PARD3B: variants seen among roughly 807,000 people sequenced by gnomAD.
PARD3B encodes partitioning defective 3 homolog B.
A neutral mutation model predicts 130.2 loss-of-function variants in PARD3B; 103 were observed. The observed-to-expected ratio is 0.79, with a 90% confidence interval of 0.67 to 0.93. The LOEUF (loss-of-function observed/expected upper bound fraction) is 0.93. Ranked by LOEUF, PARD3B falls within the 40% of genes least tolerant of loss-of-function variation. PARD3B has a pLI of 0.00. For synonymous variants in PARD3B, 583 were observed against 553.2 expected (o/e 1.05, Z -0.76); for missense variants, 1,609 against 1,499.2 (o/e 1.07, Z -1.21).
intron 2 of PARD3B, among the ~76,000 whole-genome samples, chr2:204,947,567 TCCCC>T (rs1689433380): frequency 1.3e-5 from 1 of 78,488 alleles, no homozygotes; most frequent in South Asian, 4.6e-4. Context: ...CTCCCCTCCC[TCCCC>T]TCCCTCTCTT....
chr2:204,584,957 G>T (rs73057284), intron 1 of PARD3B, among the ~76,000 whole-genome samples: 1 of 152,188 alleles, frequency 6.6e-6, no homozygotes, highest in African/African-American at 2.4e-5. Flanking sequence ...TGCATCATCC[G>T]TAGGGTTGGA....
intron 1 of PARD3B, among the ~76,000 whole-genome samples, chr2:204,620,275 T>C (rs893710747): frequency 1.3e-5 from 2 of 151,986 alleles, no homozygotes; most frequent in African/African-American, 4.8e-5. Context: ...AGTGCTGGAG[T>C]TACAGGCGTG....
chr2:204,893,133 C>T (rs567954333), intron 2 of PARD3B, among the ~76,000 whole-genome samples: 1 of 152,048 alleles, frequency 6.6e-6, no homozygotes, highest in African/African-American at 2.4e-5. Context: ...GGGAGGAGAA[C>T]CAGAGGAGGG....
chr2:204,862,780 C>T (rs1037407864), intron 2 of PARD3B, among the ~76,000 whole-genome samples: 4 of 152,126 alleles, frequency 2.6e-5, no homozygotes, highest in Non-Finnish European at 5.9e-5. Flanking sequence ...TCTTGTCACA[C>T]GACCAGGAAA....
Position 204,965,221 on chromosome 2 carries a change from C to G in PARD3B, c.292C>G (p.Arg98Gly). 2 of 1,613,912 alleles carry G rather than the reference C, an allele frequency of 1.2e-6. No individual in the cohort carries two copies. Among genetic ancestry groups the G allele is most frequent in the Non-Finnish European group, 1.7e-6 (2 of 1,179,896 alleles). ...IESPSGNPAD[R>G]QSPDAFETEV... ...GAGCCCCAGTGGAAACCCTGCAGATCGGCAGAGCCCAGATGCTTTTGAGAC... is the reference window on the plus strand; with the variant it reads ...GAGCCCCAGTGGAAACCCTGCAGATGGGCAGAGCCCAGATGCTTTTGAGAC... The change falls in exon 3 of 23, where the codon CGG becomes GGG. Residue 98 changes from arginine (R) to glycine (G), a missense_variant. By Grantham distance (125) the Arg-to-Gly change is moderately radical. Transcript: ENST00000406610.
At chr2:205,376,265 C>T (rs940028513) in intron 18 of PARD3B, among the ~76,000 whole-genome samples, 5 of 152,096 alleles carry the variant, frequency 3.3e-5, no homozygotes, top group Non-Finnish European at 7.3e-5. Context: ...CAGGCAGAGT[C>T]CACAAGCCAA....
intron 22 of PARD3B, among the ~76,000 whole-genome samples, chr2:205,614,004 GTTGT>G (rs1385741153): frequency 2.0e-5 from 3 of 152,146 alleles, no homozygotes; most frequent in Non-Finnish European, 4.4e-5. Context: ...AATTATTGTT[GTTGT>G]TTTTCTTTTT....
rs527648137 is a variant in PARD3B at position 205,395,715 on chromosome 2, G to T, written c.2631-5298G>T. ...CCACTGTCATCTTTCACCGATTCCT[G>T]CAGGGATCCCCAGTCAGTTAAATCA... On this transcript the variant is annotated intron_variant, in intron 18 of 22. Coordinates refer to ENST00000406610, the MANE Select transcript of PARD3B (RefSeq NM_001302769.2). Among the ~76,000 whole-genome samples the T allele has an allele frequency of 2.6e-5, 4 of 152,246 alleles. No homozygotes were observed. The South Asian group carries it at 6.2e-4, about 24-fold the overall frequency.
rs1484527874 is a variant in PARD3B at position 204,565,543 on chromosome 2, T to G, written c.120+19424T>G. 7.5e-4 allele frequency among the ~76,000 whole-genome samples: 114 copies of G among 152,206 alleles called. 2 individuals carry two copies. Among genetic ancestry groups the G allele is most frequent in the Non-Finnish European group, 8.8e-5 (6 of 68,044 alleles). The stretch of plus-strand genomic sequence containing the variant: ...ATATAATATCAAAAACTACGCATAT[T>G]AACATTACTATCAATTTCATCAGAA... On this transcript the variant is annotated intron_variant, in intron 1 of 22. Transcript: ENST00000406610.
intron 4 of PARD3B, among the ~76,000 whole-genome samples, chr2:205,094,571 CT>C (rs1272599859): frequency 2.0e-5 from 3 of 151,822 alleles, no homozygotes; most frequent in Non-Finnish European, 4.4e-5. Context: ...GTGTGCTTTT[CT>C]TTTCTTTCTT....
At chr2:205,482,733 C>T (rs7559015) in intron 20 of PARD3B, 20,178 of 151,948 alleles carry the variant, frequency 0.13, 1,482 homozygotes, top group African/African-American at 0.14. Flanking sequence ...TAGAAACTCT[C>T]CCAGGGTAGG....
chr2:204,982,850 A>G (rs1247550811), intron 3 of PARD3B, among the ~76,000 whole-genome samples: 1 of 152,216 alleles, frequency 6.6e-6, no homozygotes, highest in Non-Finnish European at 1.5e-5. Flanking sequence ...TATTTTATGA[A>G]TTTGTAGTAT....
chr2:204,589,135 A>G (rs1276954510), intron 1 of PARD3B, among the ~76,000 whole-genome samples: 2 of 152,228 alleles, frequency 1.3e-5, no homozygotes, highest in Non-Finnish European at 2.9e-5. Flanking sequence ...AAGGAGCTGT[A>G]TATACCTGGA....
intron 2 of PARD3B, among the ~76,000 whole-genome samples, chr2:204,785,318 A>C (rs1305091709): frequency 2.0e-5 from 3 of 151,912 alleles, no homozygotes; most frequent in African/African-American, 7.3e-5. Flanking sequence ...GTAATCTGGC[A>C]CCTCTCTATC....
intron 15 of PARD3B, among the ~76,000 whole-genome samples, chr2:205,201,067 A>T (rs543916179): frequency 2.0e-5 from 3 of 152,300 alleles, no homozygotes; most frequent in African/African-American, 7.2e-5. Context: ...ACAATATTTT[A>T]ATAACTACAA....
intron 1 of PARD3B, among the ~76,000 whole-genome samples, chr2:204,557,331 A>G (rs2030993288): frequency 1.3e-5 from 2 of 152,098 alleles, no homozygotes; most frequent in African/African-American, 2.4e-5. Flanking sequence ...TACTGCGCAC[A>G]TGGCACCATC....
intron 2 of PARD3B, among the ~76,000 whole-genome samples, chr2:204,815,830 T>G (rs1336050562): frequency 6.6e-6 from 1 of 152,026 alleles, no homozygotes; most frequent in Non-Finnish European, 1.5e-5. Context: ...TGGAGATGTT[T>G]TGTTACTGAT....
At chr2:205,222,982 G>A (rs2038323383) in intron 15 of PARD3B, among the ~76,000 whole-genome samples, 1 of 152,112 alleles carries the variant, frequency 6.6e-6, no homozygotes, top group Non-Finnish European at 1.5e-5. Flanking sequence ...AATCAGTGTA[G>A]TACAGAGTAG....
chr2:204,594,676 T>G (rs2125098165), intron 1 of PARD3B, among the ~76,000 whole-genome samples: 1 of 152,374 alleles, frequency 6.6e-6, no homozygotes, highest in South Asian at 2.1e-4. Context: ...GTGACTATGC[T>G]TCTGAAGTGA....
Sources: allele counts gnomAD v4.1 joint callset (sites outside exome capture counted in the v4.1 genomes callset), GRCh38; gene constraint gnomAD v4.1.1; transcripts MANE v1.5; gene names NCBI Gene and HGNC (gene_info 2026-07-23, HGNC 2026-07-21).